The following SDK1 variants were observed in gnomAD, a reference collection of about 807,000 sequenced individuals.
The protein encoded by SDK1 is protein sidekick-1.
A neutral mutation model predicts 245.5 loss-of-function variants in SDK1; 157 were observed. The ratio of observed to expected loss-of-function variants is 0.64; its 90% CI spans 0.56 to 0.73. The LOEUF is 0.73. Ranked by LOEUF, SDK1 falls within the 30% of genes least tolerant of loss-of-function variation. The probability of loss-of-function intolerance (pLI) is 0.00; values close to 1 mark genes in which losing one functional copy is unlikely to be tolerated. For synonymous variants in SDK1, 1,647 were observed against 1,278.5 expected, an observed-to-expected ratio of 1.29 and a Z score of -6.15; for missense variants, 3,583 against 3,002.3, an observed-to-expected ratio of 1.19 and a Z score of -4.52.
At chr7:4,034,301 A>G (rs1788055352) in intron 17 of SDK1, among the ~76,000 whole-genome samples, 1 of 152,170 alleles carries the variant, frequency 6.6e-6, no homozygotes, top group African/African-American at 2.4e-5. Context: ...TTCTGTCACC[A>G]CAGAAGACGT....
chr7:4,252,574 A>G (rs961606276), intron 44 of SDK1, among the ~76,000 whole-genome samples: 13 of 152,134 alleles, frequency 8.5e-5, no homozygotes, highest in African/African-American at 3.1e-4. Context: ...ATTGCTGAGC[A>G]TTTTTGTATC....
At chr7:3,872,492 A>C (rs1442356186) in intron 5 of SDK1, among the ~76,000 whole-genome samples, 2 of 147,562 alleles carry the variant, frequency 1.4e-5, no homozygotes, top group Non-Finnish European at 3.0e-5. Flanking sequence ...TTTTCTTCTT[A>C]AGTGAGTTTT....
chr7:3,590,717 A>C (rs11767639), intron 1 of SDK1, among the ~76,000 whole-genome samples: 87,762 of 151,350 alleles, frequency 0.58, 25,813 homozygotes, highest in South Asian at 0.75. Flanking sequence ...AATACTGATA[A>C]CAGAGCCTCA....
At position 4,145,972 on chromosome 7, in the gene SDK1, A is replaced by G. The variant is rs181279960; in HGVS notation, c.4423+56A>G. 91 of 1,475,634 alleles carry G rather than the reference A, an allele frequency of 6.2e-5. No homozygotes were observed. The African/African-American group carries it at 8.4e-4, about 14-fold the overall frequency. The allele number at this position is 1,475,634 out of a possible 1,614,324, so 91.4% of individuals were successfully genotyped here. ...AGATGTTGTGGGCACAGCTTCCTCA[A>G]TCAGGCCCTCTGGGGTCTGCGGGGT... is the stretch of plus-strand genomic sequence containing the variant. On this transcript the variant is annotated intron_variant, in intron 29 of 44. Coordinates refer to ENST00000404826, the MANE Select transcript of SDK1 (RefSeq NM_152744.4).
intron 14 of SDK1, among the ~76,000 whole-genome samples, chr7:4,000,596 C>T (rs939431555): frequency 2.0e-5 from 3 of 152,224 alleles, no homozygotes; most frequent in Admixed American, 6.5e-5. Flanking sequence ...GAAAGCTGCT[C>T]CTGGCTGTCA....
intron 44 of SDK1, among the ~76,000 whole-genome samples, chr7:4,249,653 G>C (rs1379478007): frequency 6.6e-6 from 1 of 152,180 alleles, no homozygotes; most frequent in Admixed American, 6.5e-5. Flanking sequence ...TGCTCCCCAG[G>C]TTTTTGAGTG....
chr7:3,608,493 T>C (rs1381858653), intron 1 of SDK1, among the ~76,000 whole-genome samples: 1 of 152,214 alleles, frequency 6.6e-6, no homozygotes, highest in East Asian at 1.9e-4. Context: ...TATTTGTGGC[T>C]AAAGATAAAA....
intron 5 of SDK1, among the ~76,000 whole-genome samples, chr7:3,947,640 A>G (rs1780633760): frequency 6.6e-6 from 1 of 151,450 alleles, no homozygotes; most frequent in Non-Finnish European, 1.5e-5. Context: ...ATGTGTATCT[A>G]TATCTGTTGC....
rs143928721 is a variant in SDK1, at chr7:3,355,808, A to G, written c.298+53924A>G. Among the ~76,000 whole-genome samples, 849 of 152,286 alleles carry G rather than the reference A, an allele frequency of 5.6e-3. 12 individuals carry two copies. The highest frequency in any genetic ancestry group is 0.019 in the African/African-American group (802 of 41,548). ...TTTAATCTGCTATTTTATGCCTCCT[A>G]TATTCTTACCTTCAGATGTTGAGAG... is the stretch of plus-strand genomic sequence containing the variant. On this transcript the variant is annotated intron_variant, in intron 1 of 44. Coordinates refer to ENST00000404826, the MANE Select transcript of SDK1 (RefSeq NM_152744.4).
At chr7:4,206,711 G>T (rs988483097) in intron 36 of SDK1, among the ~76,000 whole-genome samples, 2 of 152,098 alleles carry the variant, frequency 1.3e-5, no homozygotes, top group African/African-American at 2.4e-5. Flanking sequence ...AGAGTACAGG[G>T]CCCATAAGCA....
intron 1 of SDK1, among the ~76,000 whole-genome samples, chr7:3,610,891 ACAC>A (rs1458358865): frequency 3.3e-5 from 5 of 152,238 alleles, no homozygotes; most frequent in African/African-American, 1.2e-4. Context: ...TATGGAGAGG[ACAC>A]CAGGGACAAA....
At chr7:3,918,124 C>G (rs1779449197) in intron 5 of SDK1, among the ~76,000 whole-genome samples, 1 of 152,152 alleles carries the variant, frequency 6.6e-6, no homozygotes, top group Non-Finnish European at 1.5e-5. Context: ...ACCCTCTCAC[C>G]TCAAACTCAA....
intron 4 of SDK1, among the ~76,000 whole-genome samples, chr7:3,667,399 A>T (rs1783566954): frequency 6.6e-6 from 1 of 152,176 alleles, no homozygotes; most frequent in Non-Finnish European, 1.5e-5. Flanking sequence ...TCTTCCTCCC[A>T]ACCTCCTCCT....
intron 22 of SDK1, among the ~76,000 whole-genome samples, chr7:4,105,297 TTG>T (rs1314265116): frequency 1.3e-5 from 2 of 150,816 alleles, no homozygotes; most frequent in African/African-American, 4.9e-5. Flanking sequence ...GTTATATTTT[TTG>T]TTTTTTGTTT....
chr7:3,462,831 C>G (rs1780875221), intron 1 of SDK1, among the ~76,000 whole-genome samples: 1 of 152,166 alleles, frequency 6.6e-6, no homozygotes. Context: ...GTGGTTCTTT[C>G]TAGTCTGTCT....
At chr7:3,513,517 C>G (rs1782645403) in intron 1 of SDK1, among the ~76,000 whole-genome samples, 1 of 152,042 alleles carries the variant, frequency 6.6e-6, no homozygotes, top group Non-Finnish European at 1.5e-5. Flanking sequence ...AGAATTAAGA[C>G]TGATGTGGCC....
At chr7:3,926,066 C>G (rs1342045905) in intron 5 of SDK1, among the ~76,000 whole-genome samples, 2 of 152,168 alleles carry the variant, frequency 1.3e-5, no homozygotes, top group African/African-American at 4.8e-5. Context: ...AAATCAGTGT[C>G]ACCTATGCAG....
At chr7:3,997,682 G>C (rs1451342903) in intron 14 of SDK1, among the ~76,000 whole-genome samples, 1 of 152,110 alleles carries the variant, frequency 6.6e-6, no homozygotes, top group African/African-American at 2.4e-5. Flanking sequence ...AAGTGCATGC[G>C]GATTGGTCAA....
At chr7:3,798,949 C>CTG (rs1562451458) in intron 4 of SDK1, among the ~76,000 whole-genome samples, 1 of 152,182 alleles carries the variant, frequency 6.6e-6, no homozygotes, top group Admixed American at 6.5e-5. Context: ...GTAACTGTTT[C>CTG]TGTGGATTTC....
Sources: gnomAD v4.1 joint callset for allele counts (sites outside exome capture counted in the v4.1 genomes callset) on GRCh38, gnomAD v4.1.1 for gene constraint, MANE v1.5 for transcripts, NCBI Gene and HGNC (gene_info 2026-07-23, HGNC 2026-07-21) for gene names.